TRAPPC12: variants seen among roughly 807,000 people sequenced by gnomAD.
TRAPPC12 encodes trafficking protein particle complex subunit 12.
In TRAPPC12, 61 loss-of-function variants were observed where a neutral mutation model predicts 69.2. The observed-to-expected ratio is 0.88, with a 90% CI of 0.72 to 1.09. TRAPPC12 has a LOEUF of 1.09. TRAPPC12 is among the 50% of genes least tolerant of loss of function. The pLI is 0.00. For synonymous variants in TRAPPC12, 469 were observed against 438.9 expected (o/e 1.07, Z -0.86); for missense variants, 1,101 against 1,016.4 (o/e 1.08, Z -1.13).
At chr2:3,462,987 T>C in intron 8 of TRAPPC12, 1 of 470,066 alleles carries the variant, frequency 2.1e-6, no homozygotes, top group Admixed American at 2.4e-5. Context: ...AGAATGGTTG[T>C]AAATCTAGTT....
At chr2:3,432,304 C>T (rs1663486816) in intron 5 of TRAPPC12, among the ~76,000 whole-genome samples, 1 of 152,200 alleles carries the variant, frequency 6.6e-6, no homozygotes, top group African/African-American at 2.4e-5. Flanking sequence ...GCAAACACTT[C>T]CATTAATCGG....
rs750480442 is a variant in TRAPPC12, at chr2:3,401,800, G to C, written c.1071G>C (p.Met357Ile). The C allele has an allele frequency of 6.3e-7, 1 of 1,595,644 alleles. No individual in the cohort carries two copies. Among genetic ancestry groups the C allele is most frequent in the Admixed American group, 1.8e-5 (1 of 54,698 alleles). ...NIQGDAVKDL[M>I]LRFLGEKAAA... ...AGGGAGATGCAGTTAAAGACTTGAT[G>C]CTTCGCTTTCTGGGTGAAAAAGCTG... Residue 357 changes from methionine to isoleucine, a missense_variant, in exon 3 of 12, where the codon ATG becomes ATC. By Grantham distance (10) the Met-to-Ile change is conservative. Coordinates refer to ENST00000324266, the MANE Select transcript of TRAPPC12 (RefSeq NM_016030.6).
intron 2 of TRAPPC12, among the ~76,000 whole-genome samples, chr2:3,391,720 G>A (rs924647470): frequency 7.2e-5 from 11 of 152,100 alleles, no homozygotes; most frequent in African/African-American, 2.4e-4. Flanking sequence ...TTGGATGTGT[G>A]GGATTGGATT....
chr2:3,433,486 C>G (rs890694254), intron 5 of TRAPPC12, among the ~76,000 whole-genome samples: 7 of 152,180 alleles, frequency 4.6e-5, no homozygotes, highest in African/African-American at 1.4e-4. Context: ...GCCCTCCCGC[C>G]CTAGTTTGCA....
chr2:3,462,802 G>A, intron 8 of TRAPPC12: 1 of 432,404 alleles, frequency 2.3e-6, no homozygotes, highest in Non-Finnish European at 4.9e-6. Flanking sequence ...GGTGGCTTGG[G>A]CCCCCCCTCC....
intron 2 of TRAPPC12, among the ~76,000 whole-genome samples, chr2:3,392,027 C>T (rs1319215021): frequency 6.6e-6 from 1 of 152,102 alleles, no homozygotes; most frequent in African/African-American, 2.4e-5. Flanking sequence ...TGCTGCAGTC[C>T]AACGGTCTTA....
rs115271747 is a variant in TRAPPC12, at chr2:3,420,253, C to T, written c.1165-1628C>T. On this transcript the variant is annotated intron_variant, in intron 3 of 11. Transcript: ENST00000324266. ...AACTGAGATGCCTGCAGCCCAGGGACGGCTGGTGGCTTGCAGCAGGTCACA... is the reference window on the plus strand; with the variant it reads ...AACTGAGATGCCTGCAGCCCAGGGATGGCTGGTGGCTTGCAGCAGGTCACA... Among the ~76,000 whole-genome samples the T allele has an allele frequency of 4.0e-3, 603 of 152,262 alleles. 3 individuals carry two copies. The highest frequency in any genetic ancestry group is 0.012 in the African/African-American group (513 of 41,564).
intron 9 of TRAPPC12, among the ~76,000 whole-genome samples, chr2:3,470,418 T>C (rs1300739022): frequency 6.6e-6 from 1 of 152,274 alleles, no homozygotes; most frequent in Non-Finnish European, 1.5e-5. Flanking sequence ...CACTGCGTGC[T>C]GTCCGCCCTG....
chr2:3,393,325 G>T (rs1660930111), intron 2 of TRAPPC12, among the ~76,000 whole-genome samples: 1 of 150,754 alleles, frequency 6.6e-6, no homozygotes, highest in Admixed American at 6.6e-5. Flanking sequence ...AGAAGCTGGG[G>T]CCTGGGGGTG....
At chr2:3,463,465 C>T (rs918985346) in intron 8 of TRAPPC12, among the ~76,000 whole-genome samples, 16 of 151,532 alleles carry the variant, frequency 1.1e-4, no homozygotes, top group Admixed American at 3.3e-4. Flanking sequence ...TCCTCTCACA[C>T]GGCTCCCAGG....
intron 9 of TRAPPC12, among the ~76,000 whole-genome samples, chr2:3,466,644 TCTC>T (rs749180980): frequency 1.1e-4 from 16 of 152,022 alleles, no homozygotes; most frequent in Non-Finnish European, 1.5e-4. Flanking sequence ...GCACACACCA[TCTC>T]CTGCACGCCG....
intron 9 of TRAPPC12, among the ~76,000 whole-genome samples, chr2:3,471,879 G>A (rs1402831024): frequency 1.3e-5 from 2 of 152,114 alleles, no homozygotes; most frequent in Non-Finnish European, 1.5e-5. Flanking sequence ...GTGGTGCGCA[G>A]GTGCAAGTCC....
chr2:3,443,735 T>C (rs906099501), intron 5 of TRAPPC12, 44 bp from the exon 6 acceptor site: 35 of 1,519,984 alleles, frequency 2.3e-5, no homozygotes, highest in Non-Finnish European at 3.1e-5. Context: ...GAATGCGTGC[T>C]CAGTTATGGC....
chr2:3,389,673 G>A (rs1229927846), intron 2 of TRAPPC12: 1 of 471,066 alleles, frequency 2.1e-6, no homozygotes, highest in Non-Finnish European at 4.4e-6. Flanking sequence ...AAGGGGGTGG[G>A]GGATGGAGGG....
chr2:3,479,368 C>T lies in TRAPPC12; in HGVS notation c.2115C>T (p.Ser705=), dbSNP rs754123865. 5 of 1,614,208 alleles carry T rather than the reference C, an allele frequency of 3.1e-6. No homozygotes were observed. In the East Asian group the frequency reaches 6.7e-5, roughly 22 times the overall value. The stretch of plus-strand genomic sequence containing the variant: ...TGACCACCATGTACGAGCTGGAGTC[C>T]TCACGGAGCATGCAGAAGAAACAGG... ...FNLTTMYELE[S]SRSMQKKQAL... The change falls in exon 12 of 12, where the codon TCC becomes TCT. Residue 705 remains serine (S), a synonymous_variant. Coordinates refer to ENST00000324266, the MANE Select transcript of TRAPPC12 (RefSeq NM_016030.6).
intron 3 of TRAPPC12, among the ~76,000 whole-genome samples, chr2:3,403,640 G>T (rs919852680): frequency 2.0e-5 from 3 of 152,222 alleles, no homozygotes; most frequent in Non-Finnish European, 4.4e-5. Flanking sequence ...ACAGGTGAAG[G>T]TTAGCCTGTG....
chr2:3,391,907 T>A (rs367600400), intron 2 of TRAPPC12, among the ~76,000 whole-genome samples: 12 of 152,324 alleles, frequency 7.9e-5, no homozygotes, highest in African/African-American at 2.9e-4. Context: ...AGCACTTTCT[T>A]TCAAACCCTC....
intron 2 of TRAPPC12, among the ~76,000 whole-genome samples, chr2:3,395,187 T>C (rs1450435292): frequency 6.6e-6 from 1 of 152,218 alleles, no homozygotes; most frequent in African/African-American, 2.4e-5. Context: ...TATAGTCAAC[T>C]TTTTTCGATT....
intron 5 of TRAPPC12, among the ~76,000 whole-genome samples, chr2:3,441,316 C>T (rs982135937): frequency 6.6e-6 from 1 of 152,162 alleles, no homozygotes; most frequent in Non-Finnish European, 1.5e-5. Context: ...CCATCTGGGT[C>T]TGGGGCTTGC....
Sources: gnomAD v4.1 joint callset for allele counts (sites outside exome capture counted in the v4.1 genomes callset) on GRCh38, gnomAD v4.1.1 for gene constraint, MANE v1.5 for transcripts, NCBI Gene and HGNC (gene_info 2026-07-23, HGNC 2026-07-21) for gene names.